Variants in ITFG1 observed in about 807,000 individuals in gnomAD.
The protein encoded by ITFG1 is integrin alpha FG-GAP repeat containing 1, also known as T-cell immunomodulatory protein.
In ITFG1, 34 loss-of-function variants were observed where a neutral mutation model predicts 81.8. That is an observed-to-expected ratio of 0.42 (90% confidence interval 0.32 to 0.55). The LOEUF is 0.55. Ranked by LOEUF, ITFG1 falls within the 20% of genes least tolerant of loss-of-function variation. ITFG1 has a pLI of 0.17. For missense variants in ITFG1, 672 were observed against 755.4 expected (o/e 0.89, Z 1.29); for synonymous variants, 285 against 270.6 (o/e 1.05, Z -0.52).
intron 5 of ITFG1, among the ~76,000 whole-genome samples, chr16:47,444,887 T>C (rs1040058482): frequency 6.6e-6 from 1 of 152,070 alleles, no homozygotes; most frequent in African/African-American, 2.4e-5. Context: ...TTTTTGGAAA[T>C]TGGTTTTTCT....
chr16:47,377,373 T>C (rs1006726604), intron 6 of ITFG1, among the ~76,000 whole-genome samples: 1 of 152,202 alleles, frequency 6.6e-6, no homozygotes, highest in Admixed American at 6.5e-5. Flanking sequence ...AATGACGTGT[T>C]ACTTCCAAAG....
intron 8 of ITFG1, among the ~76,000 whole-genome samples, chr16:47,353,949 G>T (rs1968003384): frequency 6.6e-6 from 1 of 151,918 alleles, no homozygotes; most frequent in Admixed American, 6.6e-5. Context: ...TATAACCAAA[G>T]GAATATGGTT....
intron 14 of ITFG1, among the ~76,000 whole-genome samples, chr16:47,182,938 G>C (rs1393104667): frequency 6.6e-6 from 1 of 152,208 alleles, no homozygotes. Flanking sequence ...GAAGCAGGGC[G>C]AGCCATTGCC....
intron 14 of ITFG1, among the ~76,000 whole-genome samples, chr16:47,190,186 C>T (rs1965274911): frequency 6.6e-6 from 1 of 151,514 alleles, no homozygotes; most frequent in Non-Finnish European, 1.5e-5. Context: ...GGTCATTTCA[C>T]TTATAAGGGG....
intron 8 of ITFG1, among the ~76,000 whole-genome samples, chr16:47,338,115 A>G (rs1280085660): frequency 6.6e-6 from 1 of 152,248 alleles, no homozygotes; most frequent in Non-Finnish European, 1.5e-5. Flanking sequence ...ATTACTAAAC[A>G]AATGGCACTA....
At chr16:47,232,886 C>T (rs1404830968) in intron 13 of ITFG1, among the ~76,000 whole-genome samples, 3 of 152,180 alleles carry the variant, frequency 2.0e-5, no homozygotes, top group South Asian at 2.1e-4. Context: ...AGAGATCCTC[C>T]TGCCTCGACC....
chr16:47,416,901 T>C (rs1411595394), intron 6 of ITFG1, among the ~76,000 whole-genome samples: 1 of 152,214 alleles, frequency 6.6e-6, no homozygotes, highest in Non-Finnish European at 1.5e-5. Context: ...TACCATTTTA[T>C]AAAAATTGGC....
chr16:47,290,724 G>T (rs1966895200), intron 10 of ITFG1, among the ~76,000 whole-genome samples: 1 of 152,068 alleles, frequency 6.6e-6, no homozygotes, highest in African/African-American at 2.4e-5. Context: ...CTTGTAGTAG[G>T]TATAGATGGG....
At chr16:47,325,599 A>C (rs1967524480) in intron 8 of ITFG1, among the ~76,000 whole-genome samples, 1 of 152,080 alleles carries the variant, frequency 6.6e-6, no homozygotes. Flanking sequence ...AGAAGAAAAG[A>C]GAGAAGAATC....
intron 5 of ITFG1, among the ~76,000 whole-genome samples, chr16:47,436,715 TCA>T (rs914684484): frequency 1.3e-4 from 20 of 152,112 alleles, no homozygotes. Context: ...TATAAAAAAA[TCA>T]CAGTTACTTA....
At chr16:47,309,068 CTT>C (rs1188663308) in intron 10 of ITFG1, among the ~76,000 whole-genome samples, 23 of 136,282 alleles carry the variant, frequency 1.7e-4, no homozygotes, top group Admixed American at 3.7e-4. Flanking sequence ...AACATAACTT[CTT>C]TTTTTTTTTT....
intron 8 of ITFG1, among the ~76,000 whole-genome samples, chr16:47,354,837 C>T (rs186010592): frequency 6.6e-6 from 1 of 151,818 alleles, no homozygotes; most frequent in Non-Finnish European, 1.5e-5. Flanking sequence ...AAAATCACAA[C>T]GAGATATCTA....
chr16:47,384,818 C>T (rs959846577), intron 6 of ITFG1, among the ~76,000 whole-genome samples: 2 of 152,186 alleles, frequency 1.3e-5, no homozygotes, highest in African/African-American at 2.4e-5. Context: ...TGGCTCACAC[C>T]TGTAATCCCA....
intron 6 of ITFG1, among the ~76,000 whole-genome samples, chr16:47,414,819 C>G (rs1017602761): frequency 6.6e-6 from 1 of 152,022 alleles, no homozygotes; most frequent in Non-Finnish European, 1.5e-5. Flanking sequence ...TTAAATAATT[C>G]AAAATAAAAT....
intron 10 of ITFG1, among the ~76,000 whole-genome samples, chr16:47,305,131 C>G (rs557044546): frequency 6.6e-6 from 1 of 152,144 alleles, no homozygotes; most frequent in Non-Finnish European, 1.5e-5. Context: ...ATGAAATTTA[C>G]CAACATAATT....
At chr16:47,390,958 A>G (rs911694299) in intron 6 of ITFG1, among the ~76,000 whole-genome samples, 1 of 152,090 alleles carries the variant, frequency 6.6e-6, no homozygotes, top group African/African-American at 2.4e-5. Context: ...ATTTTATATA[A>G]TTTTTATATG....
intron 13 of ITFG1, among the ~76,000 whole-genome samples, chr16:47,221,151 G>C (rs1354357507): frequency 6.6e-6 from 1 of 152,026 alleles, no homozygotes; most frequent in Non-Finnish European, 1.5e-5. Flanking sequence ...CTTTTCGGAA[G>C]CTCCCTGAAA....
chr16:47,331,610 T>A (rs1194890314), intron 8 of ITFG1, among the ~76,000 whole-genome samples: 3 of 152,208 alleles, frequency 2.0e-5, no homozygotes, highest in Non-Finnish European at 2.9e-5. Context: ...GAAATATCTA[T>A]CTTTGTGAGA....
chr16:47,427,862 G>A (rs765665110), intron 6 of ITFG1, among the ~76,000 whole-genome samples: 1 of 152,184 alleles, frequency 6.6e-6, no homozygotes, highest in African/African-American at 2.4e-5. Context: ...GATTGGGTGT[G>A]GTGGCTCATG....
Sources: gnomAD v4.1 joint callset for allele counts (sites outside exome capture counted in the v4.1 genomes callset) on GRCh38, gnomAD v4.1.1 for gene constraint, MANE v1.5 for transcripts, NCBI Gene and HGNC (gene_info 2026-07-23, HGNC 2026-07-21) for gene names.